JHY: variants seen among roughly 807,000 people sequenced by gnomAD.
JHY encodes the protein junctional cadherin complex regulator.
JHY carries 69 observed loss-of-function variants against 78.0 expected under a neutral mutation model. That is an observed-to-expected ratio of 0.88 (90% confidence interval 0.73 to 1.08). The LOEUF is 1.08. Among genes scored for constraint, JHY ranks in the 50% least tolerant of loss-of-function variants. JHY has a pLI of 0.00. For missense variants in JHY, 944 were observed against 927.8 expected (o/e 1.02, Z -0.23); for synonymous variants, 368 against 342.6 (o/e 1.07, Z -0.82).
intron 2 of JHY, among the ~76,000 whole-genome samples, chr11:122,889,737 G>T (rs1212044096): frequency 1.3e-5 from 2 of 152,096 alleles, no homozygotes; most frequent in Non-Finnish European, 2.9e-5. Flanking sequence ...GTCACCCAAG[G>T]GTGGACTTTG....
Position 122,963,720 on chromosome 11 carries a change from A to G in JHY, c.*4275A>G, listed in dbSNP as rs1864357066. Among the ~76,000 whole-genome samples, 1 of 152,220 alleles carries G rather than the reference A, an allele frequency of 6.6e-6. No individual in the cohort carries two copies. Among genetic ancestry groups the G allele is most frequent in the Non-Finnish European group, 1.5e-5 (1 of 68,024 alleles). ...AAAAGCAAAAAATAATCTGCCAATT[A>G]GAAAACAAAAAACTTCAAACTTAAG... On this transcript the variant is annotated 3_prime_UTR_variant, in exon 9 of 9. Transcript: ENST00000227349.
intron 2 of JHY, among the ~76,000 whole-genome samples, chr11:122,896,931 A>ACTGCACCCT (rs1348055706): frequency 6.6e-6 from 1 of 152,160 alleles, no homozygotes; most frequent in Admixed American, 6.5e-5. Flanking sequence ...ATCTCGGCGC[A>ACTGCACCCT]CTGCACCCTC....
intron 4 of JHY, among the ~76,000 whole-genome samples, chr11:122,930,419 G>GA (rs1249348145): frequency 5.3e-5 from 8 of 152,156 alleles, no homozygotes; most frequent in African/African-American, 1.9e-4. Flanking sequence ...GTATTCAAGT[G>GA]AATGTTTTTT....
intron 5 of JHY, among the ~76,000 whole-genome samples, chr11:122,940,350 A>G (rs1863848704): frequency 6.6e-6 from 1 of 152,154 alleles, no homozygotes; most frequent in Non-Finnish European, 1.5e-5. Flanking sequence ...AAAAAGAAAA[A>G]AAAATCTAGA....
At position 122,898,805 on chromosome 11, in the gene JHY, T is replaced by C. The variant is rs970002095; in HGVS notation, c.345-5120T>C. Among the ~76,000 whole-genome samples, 2 of 152,258 alleles carry C rather than the reference T, an allele frequency of 1.3e-5. No individual in the cohort carries two copies. The highest frequency in any genetic ancestry group is 2.9e-5 in the Non-Finnish European group (2 of 68,034). The stretch of plus-strand genomic sequence containing the variant: ...GTTAATTTTGTTAAGCCCGAGCTGC[T>C]TCAAGTGTTTGCAACGTCCCTCGAG... On this transcript the variant is annotated intron_variant, in intron 2 of 8. Coordinates refer to ENST00000227349, the MANE Select transcript of JHY (RefSeq NM_024806.4). The surrounding 1 kb of genome is among the most constrained non-coding windows in gnomAD (Gnocchi z 4.4).
intron 3 of JHY, among the ~76,000 whole-genome samples, chr11:122,907,286 G>A (rs1422699598): frequency 6.6e-6 from 1 of 151,722 alleles, no homozygotes; most frequent in Non-Finnish European, 1.5e-5. Flanking sequence ...ATGTAGACGT[G>A]TGTGTGTCTC....
chr11:122,958,941 A>C, intron 8 of JHY: 1 of 985,302 alleles, frequency 1.0e-6, no homozygotes, highest in Non-Finnish European at 1.2e-6. Flanking sequence ...TCCGGAAACT[A>C]AGTAGACCAA....
chr11:122,947,387 C>T (rs1187756761), intron 6 of JHY: 1 of 152,352 alleles, frequency 6.6e-6, no homozygotes, highest in Non-Finnish European at 1.5e-5. Flanking sequence ...TGTCTCAAAT[C>T]ACCATTACTA....
chr11:122,920,357 A>C (rs1016209990), intron 3 of JHY, among the ~76,000 whole-genome samples: 1 of 152,222 alleles, frequency 6.6e-6, no homozygotes, highest in African/African-American at 2.4e-5. Flanking sequence ...AAAGAATGAG[A>C]GTAACAAAGA....
intron 1 of JHY, among the ~76,000 whole-genome samples, chr11:122,884,102 A>G (rs1188687657): frequency 1.3e-5 from 2 of 152,240 alleles, no homozygotes; most frequent in East Asian, 3.8e-4. Context: ...TAAAAATAAG[A>G]GACAAAATAA....
At chr11:122,885,619 C>G in intron 1 of JHY, 142 bp from the exon 2 acceptor site, 1 of 439,258 alleles carries the variant, frequency 2.3e-6, no homozygotes, top group Non-Finnish European at 4.0e-6. Context: ...TCTAATAGAC[C>G]TTTCTTATAC....
At chr11:122,894,019 AC>A (rs1335806468) in intron 2 of JHY, among the ~76,000 whole-genome samples, 1 of 152,152 alleles carries the variant, frequency 6.6e-6, no homozygotes, top group African/African-American at 2.4e-5. Context: ...TAAATCTGGC[AC>A]TTAAAATATA....
At chr11:122,938,531 G>A (rs1261967441) in intron 5 of JHY, among the ~76,000 whole-genome samples, 1 of 152,142 alleles carries the variant, frequency 6.6e-6, no homozygotes, top group Non-Finnish European at 1.5e-5. Flanking sequence ...AAAATAGGGT[G>A]TAAGGGCCCT....
intron 6 of JHY, among the ~76,000 whole-genome samples, chr11:122,955,291 T>C (rs1161939869): frequency 1.3e-5 from 2 of 152,054 alleles, no homozygotes; most frequent in Non-Finnish European, 2.9e-5. Flanking sequence ...CACCTAATTT[T>C]TGTATTTTTA....
Position 122,896,550 on chromosome 11 carries a change from G to A in JHY, c.345-7375G>A, listed in dbSNP as rs372923312. Among the ~76,000 whole-genome samples, 237 of 152,166 alleles carry A rather than the reference G, an allele frequency of 1.6e-3. 2 individuals are homozygous for A. The highest frequency in any genetic ancestry group is 5.4e-3 in the African/African-American group (224 of 41,500). Reference sequence around the variant, plus strand: ...GGCCATTCTCCACCGTGCCTAAGTCGTGATTAAAAACTGGATTTTTAAAGA... The same window carrying A: ...GGCCATTCTCCACCGTGCCTAAGTCATGATTAAAAACTGGATTTTTAAAGA... On this transcript the variant is annotated intron_variant, in intron 2 of 8. Transcript: ENST00000227349.
chr11:122,929,240 G>GT (rs778372175), intron 4 of JHY, among the ~76,000 whole-genome samples: 5,204 of 80,110 alleles, frequency 0.065, 167 homozygotes, highest in South Asian at 0.19. Context: ...GTTGTTTTTT[G>GT]TTTTTTTTTT....
At position 122,959,044 on chromosome 11, in the gene JHY, T is replaced by C. The variant is rs1016700369; in HGVS notation, c.2140-204T>C. On this transcript the variant is annotated intron_variant, in intron 8 of 8. Transcript: ENST00000227349. ...ATGTATTATTCTTCAACTCCTTTTT[T>C]TCCACAATATATTGTTTTGTGGCTA... is the stretch of plus-strand genomic sequence containing the variant. The C allele has an allele frequency of 4.0e-5, 39 of 975,094 alleles. No homozygotes were observed. The African/African-American group carries it at 6.7e-4, about 17-fold the overall frequency. The allele number at this position is 975,094 out of a possible 1,614,324, so 60.4% of individuals were successfully genotyped here.
chr11:122,934,524 A>G lies in JHY; in HGVS notation c.1083A>G (p.Pro361=). 1.2e-6 allele frequency: 2 copies of G among 1,614,078 alleles called. No individual in the cohort carries two copies. The highest frequency in any genetic ancestry group is 1.7e-6 in the Non-Finnish European group (2 of 1,180,022). ...MVNDHQPSRR[P]AKLKIRKQCK... is the part of the protein sequence containing the mutation. Reference sequence around the variant, plus strand: ...ATGACCATCAACCTTCCAGAAGACCAGCCAAGCTCAAGATTCGAAAGCAGT... The same window carrying G: ...ATGACCATCAACCTTCCAGAAGACCGGCCAAGCTCAAGATTCGAAAGCAGT... Residue 361 remains proline (P), a synonymous_variant, in exon 5 of 9, where the codon CCA becomes CCG. Transcript: ENST00000227349.
intron 3 of JHY, 74 bp from the exon 4 acceptor site, chr11:122,924,823 C>A: frequency 8.4e-7 from 1 of 1,190,786 alleles, no homozygotes. Context: ...TTCTAGAGTG[C>A]ACAGACTTGA....
Sources: allele counts gnomAD v4.1 joint callset (sites outside exome capture counted in the v4.1 genomes callset), GRCh38; gene constraint gnomAD v4.1.1; non-coding constraint Gnocchi (gnomAD v3.1); transcripts MANE v1.5; gene names NCBI Gene and HGNC (gene_info 2026-07-23, HGNC 2026-07-21).